The following CYFIP2 variants were observed in gnomAD, a reference collection of about 807,000 sequenced individuals.
CYFIP2 encodes the protein cytoplasmic FMR1-interacting protein 2.
A neutral mutation model predicts 158.7 loss-of-function variants in CYFIP2; 29 were observed. The ratio of observed to expected loss-of-function variants is 0.18; its 90% CI spans 0.14 to 0.25. The LOEUF (loss-of-function observed/expected upper bound fraction) is 0.25. CYFIP2 is among the 10% of genes least tolerant of loss of function. The pLI, the probability that CYFIP2 is intolerant of heterozygous loss-of-function variation, is 1.00. For missense variants in CYFIP2, 852 were observed against 1,639.5 expected, an observed-to-expected ratio of 0.52 and a Z score of 8.29; for synonymous variants, 585 against 617.6, an observed-to-expected ratio of 0.95 and a Z score of 0.78.
chr5:157,355,215 T>G (rs1360814771), intron 23 of CYFIP2, among the ~76,000 whole-genome samples: 2 of 152,208 alleles, frequency 1.3e-5, no homozygotes, highest in Non-Finnish European at 2.9e-5. Context: ...CCTATCACTT[T>G]GTGGGGTACA....
At chr5:157,273,413 C>T (rs1394359589) in intron 1 of CYFIP2, among the ~76,000 whole-genome samples, 1 of 152,172 alleles carries the variant, frequency 6.6e-6, no homozygotes, top group East Asian at 1.9e-4. Context: ...ATTATTACTC[C>T]TCAGTTAATA....
In CYFIP2 at chr5:157,357,089, C is replaced by G. The variant is rs113676559; in HGVS notation, c.2674-1916C>G. On this transcript the variant is annotated intron_variant, in intron 23 of 30. Coordinates refer to ENST00000620254, the MANE Select transcript of CYFIP2 (RefSeq NM_001037333.3). Reference sequence around the variant, plus strand: ...TCTCAGTGTCATGTACAAAATTTTGCTCCTTCTCACGTTCCAGGCCTCCCA... The same window carrying G: ...TCTCAGTGTCATGTACAAAATTTTGGTCCTTCTCACGTTCCAGGCCTCCCA... Among the ~76,000 whole-genome samples the G allele has an allele frequency of 2.8e-3, 433 of 152,296 alleles. 4 individuals are homozygous for G. The highest frequency in any genetic ancestry group is 0.01 in the African/African-American group (422 of 41,554).
intron 18 of CYFIP2, among the ~76,000 whole-genome samples, 181 bp downstream of exon 18, chr5:157,326,448 C>T (rs965482519): frequency 6.6e-6 from 1 of 152,190 alleles, no homozygotes; most frequent in East Asian, 1.9e-4. Flanking sequence ...ACTGAGACAC[C>T]CAGCTCAGGG....
chr5:157,395,506 G>T lies in CYFIP2; in HGVS notation c.*2506G>T. Reference sequence around the variant, plus strand: ...TCATATTTGCTATGCAGCTGAAGATGATATTTTGATTTGTATTTTGGGGGT... The same window carrying T: ...TCATATTTGCTATGCAGCTGAAGATTATATTTTGATTTGTATTTTGGGGGT... On this transcript the variant is annotated 3_prime_UTR_variant, in exon 31 of 31. Transcript: ENST00000620254. 1.6e-6 allele frequency: 1 copy of T among 619,402 alleles called. No homozygotes were observed. The highest frequency in any genetic ancestry group is 1.5e-5 in the South Asian group (1 of 65,218). The allele number at this position is 619,402 out of a possible 1,614,324, so 38.4% of individuals were successfully genotyped here. A position where few individuals can be genotyped will look rare whatever the true frequency, so the allele number is the denominator to read the frequency against.
rs1242500889 is a variant in CYFIP2 at position 157,324,043 on chromosome 5, C to G, written c.1794C>G (p.Ser598=). ...CCATAGAGGACTTTCACAAACAGTC[C>G]TTCTTCTTCACACATCTGCTCAACA... ...VLAIEDFHKQ[S]FFFTHLLNIS... Residue 598 remains serine (S), a synonymous_variant, in exon 16 of 31, where the codon TCC becomes TCG. Coordinates refer to ENST00000620254, the MANE Select transcript of CYFIP2 (RefSeq NM_001037333.3). The G allele has an allele frequency of 1.2e-6, 2 of 1,613,704 alleles. No individual in the cohort carries two copies. The highest frequency in any genetic ancestry group is 1.7e-6 in the Non-Finnish European group (2 of 1,179,796).
intron 15 of CYFIP2, among the ~76,000 whole-genome samples, chr5:157,321,188 A>T (rs373704439): frequency 3.9e-5 from 6 of 152,190 alleles, no homozygotes; most frequent in Non-Finnish European, 8.8e-5. Context: ...GCATGCATCT[A>T]TGCTGCCCCT....
chr5:157,290,931 G>A (rs1021556947), intron 3 of CYFIP2, among the ~76,000 whole-genome samples: 1 of 152,234 alleles, frequency 6.6e-6, no homozygotes, highest in African/African-American at 2.4e-5. Flanking sequence ...ATATGGAAGA[G>A]TTGAGGGTTC....
At chr5:157,372,311 A>G (rs528721391) in intron 26 of CYFIP2, among the ~76,000 whole-genome samples, 99 of 152,130 alleles carry the variant, frequency 6.5e-4, no homozygotes, top group African/African-American at 2.3e-3. Flanking sequence ...TTAAGGCTGA[A>G]GTGACTCAAT....
intron 23 of CYFIP2, among the ~76,000 whole-genome samples, chr5:157,353,192 T>C (rs769890673): frequency 6.6e-6 from 1 of 152,242 alleles, no homozygotes; most frequent in Non-Finnish European, 1.5e-5. Context: ...GGAATTCGTA[T>C]GTGAAAAATT....
intron 28 of CYFIP2, chr5:157,384,549 C>T (rs1290546743): frequency 2.2e-6 from 1 of 454,232 alleles, no homozygotes; most frequent in Non-Finnish European, 4.4e-6. Flanking sequence ...TTTTGGAGCA[C>T]GATGCAAAGC....
rs564469769 is a variant in CYFIP2, at chr5:157,311,575, C to T, written c.993-89C>T. 126 of 1,225,560 alleles carry T rather than the reference C, an allele frequency of 1.0e-4. No homozygotes were observed. Among genetic ancestry groups the T allele is most frequent in the Non-Finnish European group, 1.3e-4 (117 of 871,102 alleles). The allele number at this position is 1,225,560 out of a possible 1,614,324, so 75.9% of individuals were successfully genotyped here. ...TGGTGTCACCCAGGGGAGTTGGCCACGTGGGCTGAGCACCAGGAGCAGCTA... is the reference window on the plus strand; with the variant it reads ...TGGTGTCACCCAGGGGAGTTGGCCATGTGGGCTGAGCACCAGGAGCAGCTA... On this transcript the variant is annotated intron_variant, in intron 10 of 30. Transcript: ENST00000620254. The surrounding 1 kb of genome is among the most constrained non-coding windows in gnomAD (Gnocchi z 4.7).
intron 26 of CYFIP2, among the ~76,000 whole-genome samples, chr5:157,377,132 C>T (rs1461277243): frequency 1.3e-5 from 2 of 151,724 alleles, no homozygotes; most frequent in African/African-American, 2.4e-5. Flanking sequence ...CCAACACCCC[C>T]TTTGCTCTCC....
At chr5:157,325,382 C>G (rs1015845682) in intron 16 of CYFIP2, 100 bp from the exon 17 acceptor site, 3 of 1,343,016 alleles carry the variant, frequency 2.2e-6, no homozygotes, top group African/African-American at 3.0e-5. Flanking sequence ...TGCTACATAC[C>G]TAACACAGTG....
intron 1 of CYFIP2, among the ~76,000 whole-genome samples, chr5:157,272,089 A>G (rs1414990697): frequency 1.3e-5 from 2 of 152,220 alleles, no homozygotes; most frequent in Non-Finnish European, 2.9e-5. Flanking sequence ...CAACACAGGA[A>G]GCAGCTGGGC....
intron 18 of CYFIP2, among the ~76,000 whole-genome samples, chr5:157,326,497 G>A (rs935437494): frequency 1.3e-5 from 2 of 152,200 alleles, no homozygotes; most frequent in African/African-American, 4.8e-5. Context: ...ACTCTGTGCT[G>A]CACCATGAAG....
chr5:157,327,905 C>A, intron 18 of CYFIP2, 68 bp from the exon 19 acceptor site: 2 of 1,478,572 alleles, frequency 1.4e-6, no homozygotes, highest in Non-Finnish European at 1.9e-6. Context: ...TGCTGTCTTT[C>A]AGTTGGCTCA....
rs141179143 is a variant in CYFIP2 at position 157,352,849 on chromosome 5, G to A, written c.2674-6156G>A. 2.9e-3 allele frequency among the ~76,000 whole-genome samples: 441 copies of A among 152,272 alleles called. 4 individuals are homozygous for A. The highest frequency in any genetic ancestry group is 0.01 in the African/African-American group (427 of 41,554). ...GTTATGCTGGGTCCTACATGCTATC[G>A]TAAGTGTCATAAGGGAGAAGCAGAG... On this transcript the variant is annotated intron_variant, in intron 23 of 30. Transcript: ENST00000620254.
At chr5:157,268,622 G>T (rs114989548) in intron 1 of CYFIP2, among the ~76,000 whole-genome samples, 1 of 152,186 alleles carries the variant, frequency 6.6e-6, no homozygotes, top group Non-Finnish European at 1.5e-5. Flanking sequence ...TTGGACCACT[G>T]TTGGCCCCAG....
At chr5:157,339,016 C>A (rs746882837) in intron 21 of CYFIP2, 41 bp from the exon 22 acceptor site, 1 of 1,560,514 alleles carries the variant, frequency 6.4e-7, no homozygotes, top group Non-Finnish European at 8.7e-7. Flanking sequence ...GTAATGCTTA[C>A]AAGCAAGTCC....
Sources: allele counts gnomAD v4.1 joint callset (sites outside exome capture counted in the v4.1 genomes callset), GRCh38; gene constraint gnomAD v4.1.1; non-coding constraint Gnocchi (gnomAD v3.1); transcripts MANE v1.5; gene names NCBI Gene and HGNC (gene_info 2026-07-23, HGNC 2026-07-21).